CSMD1: variants seen among roughly 807,000 people sequenced by gnomAD.
CSMD1 encodes the protein CUB and sushi domain-containing protein 1.
CSMD1 carries 213 observed loss-of-function variants against 417.5 expected under a neutral mutation model. The observed-to-expected ratio is 0.51, with a 90% CI of 0.46 to 0.57. CSMD1 has a LOEUF of 0.57. Ranked by LOEUF, CSMD1 falls within the 20% of genes least tolerant of loss-of-function variation. CSMD1 has a pLI of 0.00. For missense variants in CSMD1, 6,923 were observed against 4,529.7 expected (o/e 1.53, Z -15.17); for synonymous variants, 2,862 against 1,736.8 (o/e 1.65, Z -16.11).
At chr8:3,268,204 G>C (rs112505554) in intron 26 of CSMD1, among the ~76,000 whole-genome samples, 20 of 150,758 alleles carry the variant, frequency 1.3e-4, no homozygotes, top group African/African-American at 4.9e-4. Context: ...TGTTGCTTCA[G>C]AATGATTACA....
At chr8:3,547,258 C>G (rs780686346) in intron 10 of CSMD1, among the ~76,000 whole-genome samples, 7 of 152,028 alleles carry the variant, frequency 4.6e-5, no homozygotes, top group Non-Finnish European at 8.8e-5. Context: ...GTTATGAGCA[C>G]CAAGAACAAA....
At chr8:3,760,839 T>C (rs889814431) in intron 5 of CSMD1, among the ~76,000 whole-genome samples, 1 of 152,206 alleles carries the variant, frequency 6.6e-6, no homozygotes, top group African/African-American at 2.4e-5. Context: ...TTACTGCTAT[T>C]GGGAGAGGCT....
intron 10 of CSMD1, among the ~76,000 whole-genome samples, chr8:3,527,653 G>T (rs762676346): frequency 6.6e-6 from 1 of 152,108 alleles, no homozygotes; most frequent in Non-Finnish European, 1.5e-5. Flanking sequence ...CAGGTCTGCA[G>T]CTCATCCCCT....
chr8:3,619,038 T>A (rs902091335), intron 7 of CSMD1, among the ~76,000 whole-genome samples: 1 of 152,078 alleles, frequency 6.6e-6, no homozygotes, highest in Non-Finnish European at 1.5e-5. Context: ...CACTGCTGTA[T>A]AGAAAACTGC....
intron 1 of CSMD1, among the ~76,000 whole-genome samples, chr8:4,952,427 G>C (rs995037468): frequency 1.3e-4 from 20 of 152,022 alleles, no homozygotes; most frequent in African/African-American, 4.8e-4. Context: ...GTCTATATTA[G>C]TGAGTCATAC....
chr8:4,052,743 G>T (rs531937098), intron 3 of CSMD1, among the ~76,000 whole-genome samples: 1 of 151,088 alleles, frequency 6.6e-6, no homozygotes, highest in Non-Finnish European at 1.5e-5. Flanking sequence ...CATGATAAAA[G>T]AACAAGTTTT....
At position 4,863,734 on chromosome 8, in the gene CSMD1, T is replaced by C. The variant is rs527446957; in HGVS notation, c.85+130598A>G. On this transcript the variant is annotated intron_variant, in intron 1 of 69. Coordinates refer to ENST00000635120, the MANE Select transcript of CSMD1 (RefSeq NM_033225.6). ...AAAGACTTATCCTTTGAAAAATGTA[T>C]ACAATGTAACTTGTGCTTTTGATAA... Among the ~76,000 whole-genome samples, 49 of 152,200 alleles carry C rather than the reference T, an allele frequency of 3.2e-4. 2 individuals are homozygous for C. Among genetic ancestry groups the C allele is most frequent in the African/African-American group, 1.1e-3 (47 of 41,496 alleles).
chr8:3,181,609 G>T (rs963460406), intron 36 of CSMD1, among the ~76,000 whole-genome samples: 1 of 152,126 alleles, frequency 6.6e-6, no homozygotes, highest in Non-Finnish European at 1.5e-5. Flanking sequence ...CGGACCCTGT[G>T]GATAGTGATC....
At chr8:4,205,625 C>A in intron 3 of CSMD1, among the ~76,000 whole-genome samples, 1 of 152,044 alleles carries the variant, frequency 6.6e-6, no homozygotes, top group East Asian at 1.9e-4. Context: ...ACCCAGGAGC[C>A]ACACAGAGTG....
At chr8:2,945,179 T>A (rs1045340062) in intron 68 of CSMD1, among the ~76,000 whole-genome samples, 1 of 152,228 alleles carries the variant, frequency 6.6e-6, no homozygotes, top group African/African-American at 2.4e-5. Flanking sequence ...TACAAGGTAG[T>A]TCCTCTTTAT....
Position 3,681,007 on chromosome 8 carries a change from C to G in CSMD1, c.1009+27407G>C, listed in dbSNP as rs187999660. On this transcript the variant is annotated intron_variant, in intron 7 of 69. Transcript: ENST00000635120. The stretch of plus-strand genomic sequence containing the variant: ...TCAACAGCCCTTCATGCTAAAAACT[C>G]TCAATAAATTAGGTATTGATGGGAC... Among the ~76,000 whole-genome samples the G allele has an allele frequency of 4.7e-4, 72 of 152,308 alleles. No individual in the cohort carries two copies. The East Asian group carries it at 0.012, about 25-fold the overall frequency.
chr8:3,699,620 G>C (rs183706091), intron 7 of CSMD1, among the ~76,000 whole-genome samples: 25 of 152,186 alleles, frequency 1.6e-4, no homozygotes, highest in Admixed American at 1.4e-3. Flanking sequence ...TCAATCATCA[G>C]TAAATGTTAC....
At chr8:4,266,882 G>A (rs912700320) in intron 3 of CSMD1, among the ~76,000 whole-genome samples, 2 of 104,252 alleles carry the variant, frequency 1.9e-5, no homozygotes, top group African/African-American at 5.2e-5. Context: ...AATTCAACGT[G>A]TTAAGATGGA....
intron 50 of CSMD1, among the ~76,000 whole-genome samples, chr8:3,048,459 G>A (rs1394999743): frequency 4.6e-5 from 7 of 152,130 alleles, no homozygotes; most frequent in Non-Finnish European, 1.0e-4. Context: ...ACTTCGAGCA[G>A]AAGAGCAAAC....
chr8:2,999,632 T>C (rs186791950), intron 53 of CSMD1, among the ~76,000 whole-genome samples: 2 of 152,204 alleles, frequency 1.3e-5, no homozygotes, highest in Admixed American at 6.5e-5. Context: ...TCAGCTTTTC[T>C]CTCCACCCAG....
intron 3 of CSMD1, among the ~76,000 whole-genome samples, chr8:4,120,231 A>T (rs1802404690): frequency 6.6e-6 from 1 of 152,220 alleles, no homozygotes; most frequent in Admixed American, 6.5e-5. Context: ...ATTGGCTGAC[A>T]GCCATGACTC....
chr8:4,705,077 T>C (rs1245552764), intron 1 of CSMD1, among the ~76,000 whole-genome samples: 1 of 152,120 alleles, frequency 6.6e-6, no homozygotes, highest in Non-Finnish European at 1.5e-5. Context: ...TCATCAGATA[T>C]GATGGTTTTA....
Position 3,827,309 on chromosome 8 carries a change from G to C in CSMD1, c.819-73267C>G, listed in dbSNP as rs138327385. On this transcript the variant is annotated intron_variant, in intron 5 of 69. Coordinates refer to ENST00000635120, the MANE Select transcript of CSMD1 (RefSeq NM_033225.6). ...GAACCACATGTGGTTAGAGTCAAAG[G>C]CTCTATATAAAAGAATTAAACAAAA... is the stretch of plus-strand genomic sequence containing the variant. Among the ~76,000 whole-genome samples, 5 of 152,152 alleles carry C rather than the reference G, an allele frequency of 3.3e-5. No homozygotes were observed. The East Asian group carries it at 5.8e-4, about 18-fold the overall frequency.
At chr8:3,219,126 C>G in intron 29 of CSMD1, 129 bp downstream of exon 29, 1 of 689,180 alleles carries the variant, frequency 1.5e-6, no homozygotes, top group Non-Finnish European at 2.4e-6. Context: ...ATGTATCTTC[C>G]CAGACAGAGG....
Sources: allele counts gnomAD v4.1 joint callset (sites outside exome capture counted in the v4.1 genomes callset), GRCh38; gene constraint gnomAD v4.1.1; transcripts MANE v1.5; gene names NCBI Gene and HGNC (gene_info 2026-07-23, HGNC 2026-07-21).